The following HSPA14 variants were observed in gnomAD, a reference collection of about 807,000 sequenced individuals.
The protein encoded by HSPA14 is heat shock protein family A (Hsp70) member 14, also known as heat shock 70 kDa protein 14.
A neutral mutation model predicts 65.5 loss-of-function variants in HSPA14; 37 were observed. The observed-to-expected ratio is 0.56, with a 90% CI of 0.43 to 0.74. HSPA14 has a LOEUF of 0.74. HSPA14 is among the 30% of genes least tolerant of loss of function. The probability of loss-of-function intolerance (pLI) is 0.00; values close to 1 mark genes in which losing one functional copy is unlikely to be tolerated. For synonymous variants in HSPA14, 203 were observed against 214.2 expected (o/e 0.95, Z 0.46); for missense variants, 564 against 607.6 (o/e 0.93, Z 0.75).
In HSPA14 at chr10:14,861,305, ACT is replaced by A. The variant is rs372533548; in HGVS notation, c.993+5365_993+5366del. ...CTAAGATGTGTCCCTTTTGTTTGAG[ACT>A]CTGTCCAAAAACAAATGTAAGTTCT... On this transcript the variant is annotated intron_variant, in intron 10 of 13. Coordinates refer to ENST00000378372, the MANE Select transcript of HSPA14 (RefSeq NM_016299.4). Among the ~76,000 whole-genome samples, 19 of 152,106 alleles carry A rather than the reference ACT, an allele frequency of 1.2e-4. No individual in the cohort carries two copies. The East Asian group carries it at 3.3e-3, about 26-fold the overall frequency.
In HSPA14 at chr10:14,867,807, A is replaced by C. The variant is rs374572266; in HGVS notation, c.1278A>C (p.Arg426Ser). The change falls in exon 12 of 14, where the codon AGA (arginine) becomes AGC (serine). Residue 426 changes from arginine to serine, a missense_variant. Coordinates refer to ENST00000378372, the MANE Select transcript of HSPA14 (RefSeq NM_016299.4). Reference protein sequence around the residue: ...FPSGTPLPARRQHTLQAPGSI... With the variant: ...FPSGTPLPARSQHTLQAPGSI... ...CAGGGACTCCTTTGCCAGCTCGAAG[A>C]CAACACACATTGCAAGCCCCTGGAA... 86 of 1,614,062 alleles carry C rather than the reference A, an allele frequency of 5.3e-5. No individual in the cohort carries two copies. Among genetic ancestry groups the C allele is most frequent in the Non-Finnish European group, 7.2e-5 (85 of 1,180,030 alleles).
chr10:14,851,890 T>C (rs1345256350), intron 7 of HSPA14, among the ~76,000 whole-genome samples: 1 of 152,210 alleles, frequency 6.6e-6, no homozygotes, highest in South Asian at 2.1e-4. Flanking sequence ...CAAAGAAATA[T>C]GTGTACATCA....
At chr10:14,838,862 C>T (rs1833929954) in intron 1 of HSPA14, among the ~76,000 whole-genome samples, 1 of 152,062 alleles carries the variant, frequency 6.6e-6, no homozygotes, top group South Asian at 2.1e-4. Context: ...GTCCTGGCCT[C>T]TGGATGCCGG....
At chr10:14,853,681 T>C (rs983089479) in intron 8 of HSPA14, among the ~76,000 whole-genome samples, 5 of 152,314 alleles carry the variant, frequency 3.3e-5, no homozygotes, top group Admixed American at 2.6e-4. Flanking sequence ...AGAGAAATAC[T>C]AAAATCCGGA....
At position 14,844,149 on chromosome 10, in the gene HSPA14, T is replaced by C. The variant is rs1459229913; in HGVS notation, c.221+3992T>C. On this transcript the variant is annotated intron_variant, in intron 3 of 13. Coordinates refer to ENST00000378372, the MANE Select transcript of HSPA14 (RefSeq NM_016299.4). ...TTCTAGACAGCTGGTTCATCCTAGC[T>C]TTGTCACAGATGTGAAGCAGTTTAC... The C allele has an allele frequency of 1.8e-5, 23 of 1,307,856 alleles. No individual in the cohort carries two copies. The Admixed American group carries it at 8.3e-4, about 47-fold the overall frequency. 81.0% of individuals were successfully genotyped at this position (1,307,856 alleles called of 1,614,324 possible). A position where few individuals can be genotyped will look rare whatever the true frequency, so the allele number is the denominator to read the frequency against.
intron 3 of HSPA14, chr10:14,847,145 C>T: frequency 2.2e-6 from 1 of 464,914 alleles, no homozygotes. Context: ...GGAGAGCGGC[C>T]CTCTTTATAA....
In HSPA14 at chr10:14,871,582, A is replaced by T; in HGVS notation, c.1506A>T (p.Ala502=). 6.3e-7 allele frequency: 1 copy of T among 1,583,840 alleles called. No homozygotes were observed. Among genetic ancestry groups the T allele is most frequent in the Non-Finnish European group, 8.6e-7 (1 of 1,157,466 alleles). The part of the protein sequence containing the change: ...CTDQETGKCE[A]ISIEIAS ...ATCAAGAAACTGGAAAATGTGAAGC[A>T]ATCTCTATTGAGATAGCATCTTAGT... Residue 502 remains alanine (A), a synonymous_variant, in exon 14 of 14, where the codon GCA becomes GCT. Coordinates refer to ENST00000378372, the MANE Select transcript of HSPA14 (RefSeq NM_016299.4).
chr10:14,868,075 A>ATT (rs2131650892), intron 12 of HSPA14, among the ~76,000 whole-genome samples, 166 bp downstream of exon 12: 1 of 152,334 alleles, frequency 6.6e-6, no homozygotes, highest in East Asian at 1.9e-4. Flanking sequence ...CTGTGTACTC[A>ATT]TTTTTGAAAG....
chr10:14,840,570 T>C (rs1477224804), intron 3 of HSPA14, among the ~76,000 whole-genome samples: 1 of 152,224 alleles, frequency 6.6e-6, no homozygotes, highest in East Asian at 1.9e-4. Flanking sequence ...TCAGGATCTT[T>C]TGTGACACTT....
intron 10 of HSPA14, among the ~76,000 whole-genome samples, chr10:14,862,881 A>G (rs566190523): frequency 1.7e-3 from 252 of 148,644 alleles, no homozygotes; most frequent in Non-Finnish European, 3.0e-3. Flanking sequence ...ATGGAGTTTC[A>G]CCATGTCGCC....
rs1436228681 is a variant in HSPA14, at chr10:14,852,455, A to G, written c.658A>G (p.Thr220Ala). 27 of 1,613,910 alleles carry G rather than the reference A, an allele frequency of 1.7e-5. No individual in the cohort carries two copies. The highest frequency in any genetic ancestry group is 2.2e-5 in the East Asian group (1 of 44,884). The change falls in exon 8 of 14, where the codon ACA becomes GCA. Residue 220 changes from threonine to alanine, a missense_variant. Thr to Ala is a moderately conservative substitution (Grantham distance 58). Coordinates refer to ENST00000378372, the MANE Select transcript of HSPA14 (RefSeq NM_016299.4). ...VNSGIYRVLSTNTDDNIGGAH... is the reference protein window; with the variant it reads ...VNSGIYRVLSANTDDNIGGAH... ...CAGTGGAATATATCGGGTTCTTTCA[A>G]CAAACACTGATGATAACATCGGTGG...
At chr10:14,853,692 A>T (rs1489583392) in intron 8 of HSPA14, among the ~76,000 whole-genome samples, 1 of 152,184 alleles carries the variant, frequency 6.6e-6, no homozygotes, top group Non-Finnish European at 1.5e-5. Flanking sequence ...AAAATCCGGA[A>T]TAAAATATTG....
At chr10:14,864,759 G>C (rs1054383253) in intron 10 of HSPA14, among the ~76,000 whole-genome samples, 1 of 152,162 alleles carries the variant, frequency 6.6e-6, no homozygotes, top group Non-Finnish European at 1.5e-5. Context: ...AGTCTTTGCT[G>C]TTGTGAATAG....
chr10:14,857,863 C>T (rs745539275), intron 10 of HSPA14, among the ~76,000 whole-genome samples: 23 of 150,962 alleles, frequency 1.5e-4, no homozygotes, highest in Non-Finnish European at 8.8e-5. Flanking sequence ...TATGTTGTGA[C>T]AAATTTTTTT....
intron 3 of HSPA14, chr10:14,843,424 G>A: frequency 8.4e-6 from 13 of 1,550,858 alleles, no homozygotes; most frequent in South Asian, 1.2e-5. Context: ...TTTCAGAGGT[G>A]CAGTTGCTCC....
At chr10:14,849,470 T>C in intron 5 of HSPA14, 1 of 592,524 alleles carries the variant, frequency 1.7e-6, no homozygotes, top group South Asian at 1.5e-5. Flanking sequence ...ATTCAGAAGA[T>C]GGTTGATACT....
Position 14,840,144 on chromosome 10 carries a change from A to C in HSPA14, c.208A>C (p.Ile70Leu), listed in dbSNP as rs1427968618. Residue 70 changes from isoleucine to leucine, a missense_variant, in exon 3 of 14, where the codon ATC (isoleucine) becomes CTC (leucine). Transcript: ENST00000378372. ...ISNTVMKVKQ[I>L]LGRSSSDPQA... ...AAATACAGTAATGAAAGTAAAGCAGATCCTGGGCAGAAGGTATGGAATCAA... is the reference window on the plus strand; with the variant it reads ...AAATACAGTAATGAAAGTAAAGCAGCTCCTGGGCAGAAGGTATGGAATCAA... 6.9e-7 allele frequency: 1 copy of C among 1,451,888 alleles called. No homozygotes were observed. The highest frequency in any genetic ancestry group is 9.2e-7 in the Non-Finnish European group (1 of 1,083,958). 89.9% of individuals were successfully genotyped at this position (1,451,888 alleles called of 1,614,324 possible).
At chr10:14,867,993 GTA>G in intron 12 of HSPA14, 84 bp downstream of exon 12, 1 of 1,088,456 alleles carries the variant, frequency 9.2e-7, no homozygotes, top group Non-Finnish European at 1.3e-6. Flanking sequence ...TACAAAATGT[GTA>G]TATATATAAA....
intron 12 of HSPA14, among the ~76,000 whole-genome samples, chr10:14,868,311 C>T (rs1281323065): frequency 1.3e-5 from 2 of 152,160 alleles, no homozygotes; most frequent in Non-Finnish European, 2.9e-5. Flanking sequence ...TTTCTCCTCA[C>T]GTTGGTTTCA....
Sources: allele counts gnomAD v4.1 joint callset (sites outside exome capture counted in the v4.1 genomes callset), GRCh38; gene constraint gnomAD v4.1.1; transcripts MANE v1.5; gene names NCBI Gene and HGNC (gene_info 2026-07-23, HGNC 2026-07-21).